Variants in PPP1R13B observed in about 807,000 individuals in gnomAD.
PPP1R13B encodes the protein protein phosphatase 1 regulatory subunit 13B.
In PPP1R13B, 44 loss-of-function variants were observed where a neutral mutation model predicts 119.8. The ratio of observed to expected loss-of-function variants is 0.37; its 90% CI spans 0.29 to 0.47. PPP1R13B has a LOEUF of 0.47. Ranked by LOEUF, PPP1R13B falls within the 20% of genes least tolerant of loss-of-function variation. The probability of loss-of-function intolerance (pLI) is 0.99; values close to 1 mark genes in which losing one functional copy is unlikely to be tolerated. For missense variants in PPP1R13B, 1,227 were observed against 1,413.5 expected, an observed-to-expected ratio of 0.87 and a Z score of 2.12; for synonymous variants, 542 against 561.5, an observed-to-expected ratio of 0.97 and a Z score of 0.49.
chr14:103,818,072 A>T (rs1366650797), intron 1 of PPP1R13B, among the ~76,000 whole-genome samples: 1 of 152,246 alleles, frequency 6.6e-6, no homozygotes, highest in African/African-American at 2.4e-5. Flanking sequence ...GAAAAACAAA[A>T]CATTGTAAGT....
In PPP1R13B at chr14:103,737,508, C is replaced by T. The variant is rs149746711; in HGVS notation, c.3031+186G>A. 4.0e-4 allele frequency: 277 copies of T among 685,840 alleles called. 2 individuals carry two copies. The East Asian group carries it at 8.0e-3, about 20-fold the overall frequency. 42.5% of individuals were successfully genotyped at this position (685,840 alleles called of 1,614,324 possible). A position where few individuals can be genotyped will look rare whatever the true frequency, so the allele number is the denominator to read the frequency against. On this transcript the variant is annotated intron_variant, in intron 15 of 16. Coordinates refer to ENST00000202556, the MANE Select transcript of PPP1R13B (RefSeq NM_015316.3). ...GGAGGATCAATTGAGCCCGGGAGGTCGAGGCTGCAGTGAGCCATGATTGCG... is the reference window on the plus strand; with the variant it reads ...GGAGGATCAATTGAGCCCGGGAGGTTGAGGCTGCAGTGAGCCATGATTGCG...
intron 4 of PPP1R13B, among the ~76,000 whole-genome samples, chr14:103,770,312 G>A (rs1421287806): frequency 6.6e-6 from 1 of 152,192 alleles, no homozygotes; most frequent in East Asian, 1.9e-4. Context: ...TCAGGAGTTC[G>A]AGACCAGCCT....
Position 103,742,323 on chromosome 14 carries a change from T to A in PPP1R13B, c.1321-32A>T. ...TTAGGTGTTAAGAAGAAAAACAAAG[T>A]CACCCTTTGAACAGTTAAGAATATT... On this transcript the variant is annotated intron_variant, in intron 10 of 16. Coordinates refer to ENST00000202556, the MANE Select transcript of PPP1R13B (RefSeq NM_015316.3). The surrounding 1 kb of genome is among the most constrained non-coding windows in gnomAD (Gnocchi z 4.9). 1 of 1,514,390 alleles carries A rather than the reference T, an allele frequency of 6.6e-7. No individual in the cohort carries two copies. The highest frequency in any genetic ancestry group is 8.8e-7 in the Non-Finnish European group (1 of 1,139,282). The allele number at this position is 1,514,390 out of a possible 1,614,324, so 93.8% of individuals were successfully genotyped here. A position where few individuals can be genotyped will look rare whatever the true frequency, so the allele number is the denominator to read the frequency against.
chr14:103,846,916 GC>G (rs1254271802), intron 1 of PPP1R13B: 1 of 1,077,190 alleles, frequency 9.3e-7, no homozygotes, highest in Non-Finnish European at 1.2e-6. Flanking sequence ...TGCCCACCCC[GC>G]CGACTCCCAG....
At chr14:103,822,834 C>T (rs1047201549) in intron 1 of PPP1R13B, among the ~76,000 whole-genome samples, 3 of 152,040 alleles carry the variant, frequency 2.0e-5, no homozygotes, top group Non-Finnish European at 2.9e-5. Context: ...AAAGTATTTC[C>T]TAATCCTTCC....
chr14:103,754,792 T>G (rs1308684408), intron 5 of PPP1R13B, among the ~76,000 whole-genome samples: 1 of 151,394 alleles, frequency 6.6e-6, no homozygotes, highest in African/African-American at 2.4e-5. Context: ...CTTTTTTTTT[T>G]CTTTTGAGAC....
rs1364017225 is a variant in PPP1R13B at position 103,734,407 on chromosome 14, G to A, written c.*747C>T. On this transcript the variant is annotated 3_prime_UTR_variant, in exon 17 of 17. Coordinates refer to ENST00000202556, the MANE Select transcript of PPP1R13B (RefSeq NM_015316.3). ...GAACTGAATTTGAGCTTGCAGGGGT[G>A]AGAACCACACTGAGCAGCATGACAG... The A allele has an allele frequency of 2.4e-6, 1 of 410,502 alleles. No individual in the cohort carries two copies. 25.4% of individuals were successfully genotyped at this position (410,502 alleles called of 1,614,324 possible). A position where few individuals can be genotyped will look rare whatever the true frequency, so the allele number is the denominator to read the frequency against.
intron 1 of PPP1R13B, among the ~76,000 whole-genome samples, chr14:103,841,377 C>T (rs1189741184): frequency 7.9e-5 from 12 of 151,848 alleles, no homozygotes; most frequent in South Asian, 4.2e-4. Flanking sequence ...CACTTGAAGT[C>T]AGGAGTTTGT....
At chr14:103,784,481 G>T (rs781458284) in intron 3 of PPP1R13B, among the ~76,000 whole-genome samples, 4 of 149,660 alleles carry the variant, frequency 2.7e-5, no homozygotes, top group Non-Finnish European at 5.9e-5. Flanking sequence ...TACTTGGGAG[G>T]CTAAGGCAGG....
intron 2 of PPP1R13B, among the ~76,000 whole-genome samples, chr14:103,785,519 T>C (rs1246598424): frequency 4.0e-5 from 2 of 49,904 alleles, no homozygotes; most frequent in Non-Finnish European, 9.9e-5. Context: ...CACTCAGCCT[T>C]TTTTTTTTTT....
In PPP1R13B at chr14:103,754,232, G is replaced by T. The variant is rs1377384053; in HGVS notation, c.469C>A (p.His157Asn). The change falls in exon 6 of 17, where the codon CAT becomes AAT. Residue 157 changes from histidine (H) to asparagine (N), a missense_variant. His to Asn is a moderately conservative substitution (Grantham distance 68). Coordinates refer to ENST00000202556, the MANE Select transcript of PPP1R13B (RefSeq NM_015316.3). ...CGGCGCTCCTGTTGCTTTAGAAAAT[G>T]TAAACGCTGTTCCTAACAAAAGAAA... is the stretch of plus-strand genomic sequence containing the variant. ...QMLVAKEQRL[H>N]FLKQQERRQQ... 4 of 1,611,780 alleles carry T rather than the reference G, an allele frequency of 2.5e-6. No homozygotes were observed. The highest frequency in any genetic ancestry group is 2.7e-5 in the African/African-American group (2 of 74,722).
intron 1 of PPP1R13B, among the ~76,000 whole-genome samples, chr14:103,831,368 G>C (rs972358903): frequency 4.7e-5 from 7 of 148,832 alleles, no homozygotes; most frequent in Admixed American, 4.7e-4. Flanking sequence ...GGAGTGCAGT[G>C]GTGCGATCTC....
intron 7 of PPP1R13B, among the ~76,000 whole-genome samples, chr14:103,752,411 G>A (rs1209110705): frequency 1.3e-5 from 2 of 152,052 alleles, no homozygotes; most frequent in East Asian, 1.9e-4. Flanking sequence ...CCTTTTTTTT[G>A]GGTGATAAAA....
At chr14:103,775,953 A>G (rs1385293349) in intron 4 of PPP1R13B, among the ~76,000 whole-genome samples, 10 of 152,076 alleles carry the variant, frequency 6.6e-5, no homozygotes, top group Non-Finnish European at 1.5e-4. Context: ...AGAAGAAAAT[A>G]TAATCTAGTA....
chr14:103,754,079 C>T lies in PPP1R13B; in HGVS notation c.622G>A (p.Gly208Ser), dbSNP rs770330502. ...TGTTGCAGGCACGTACACAGATTGCCGTTCATGATTTTGCTGTAGTCGACT... is the reference window on the plus strand; with the variant it reads ...TGTTGCAGGCACGTACACAGATTGCTGTTCATGATTTTGCTGTAGTCGACT... ...GQVDYSKIMN[G>S]NLSAEIERFS... The change falls in exon 6 of 17, where the codon GGC becomes AGC. Residue 208 changes from glycine (G) to serine (S), a missense_variant. By Grantham distance (56) the Gly-to-Ser change is moderately conservative. Coordinates refer to ENST00000202556, the MANE Select transcript of PPP1R13B (RefSeq NM_015316.3). 3 of 1,613,768 alleles carry T rather than the reference C, an allele frequency of 1.9e-6. No homozygotes were observed. The highest frequency in any genetic ancestry group is 2.5e-6 in the Non-Finnish European group (3 of 1,179,948).
chr14:103,736,685 T>G (rs939012375), intron 15 of PPP1R13B: 4 of 157,214 alleles, frequency 2.5e-5, no homozygotes, highest in Admixed American at 1.8e-4. Flanking sequence ...GGAGCTTCCC[T>G]TCCCTGTGGT....
chr14:103,843,082 C>T (rs1413642463), intron 1 of PPP1R13B, among the ~76,000 whole-genome samples: 2 of 151,972 alleles, frequency 1.3e-5, no homozygotes, highest in East Asian at 1.9e-4. Flanking sequence ...CAAAAAGAAA[C>T]GATGCTGAGC....
rs763882484 is a variant in PPP1R13B at position 103,819,512 on chromosome 14, C to CAAA, written c.10-21997_10-21995dup. Among the ~76,000 whole-genome samples, 3 of 143,616 alleles carry CAAA rather than the reference C, an allele frequency of 2.1e-5. 1 individual carries two copies. Among genetic ancestry groups the CAAA allele is most frequent in the African/African-American group, 8.0e-5 (3 of 37,724 alleles). The allele number at this position is 143,616 out of a possible 152,430, so 94.2% of individuals were successfully genotyped here. On this transcript the variant is annotated intron_variant, in intron 1 of 16. Transcript: ENST00000202556. ...AAATCTGTCTATTAAAAAAAACAAA[C>CAAA]AAACAAAAAAAAACAACAACAAAAA... is the stretch of plus-strand genomic sequence containing the variant.
intron 4 of PPP1R13B, among the ~76,000 whole-genome samples, chr14:103,766,454 T>C (rs979391256): frequency 2.6e-5 from 4 of 152,228 alleles, no homozygotes; most frequent in African/African-American, 9.6e-5. Context: ...GCAGGCACTC[T>C]TTCCATCACA....
Sources: gnomAD v4.1 joint callset for allele counts (sites outside exome capture counted in the v4.1 genomes callset) on GRCh38, gnomAD v4.1.1 for gene constraint, Gnocchi (gnomAD v3.1) non-coding constraint, MANE v1.5 for transcripts, NCBI Gene and HGNC (gene_info 2026-07-23, HGNC 2026-07-21) for gene names.